Variants in SPAG17 observed in about 807,000 individuals in gnomAD.
SPAG17 encodes sperm associated antigen 17, also known as sperm-associated antigen 17.
A neutral mutation model predicts 273.6 loss-of-function variants in SPAG17; 169 were observed. That is an observed-to-expected ratio of 0.62 (90% confidence interval 0.55 to 0.70). The LOEUF (loss-of-function observed/expected upper bound fraction) is 0.70, where lower values mean the gene tolerates loss of function less well. Among genes scored for constraint, SPAG17 ranks in the 30% least tolerant of loss-of-function variants. The pLI, the probability that SPAG17 is intolerant of heterozygous loss-of-function variation, is 0.00. For missense variants in SPAG17, 2,557 were observed against 2,627.8 expected (o/e 0.97, Z 0.59); for synonymous variants, 825 against 873.2 (o/e 0.94, Z 0.97).
rs371012707 is a variant in SPAG17 at position 118,144,804 on chromosome 1, A to G, written c.315+5739T>C. ...CTTCAAAGAATTTCAACAAGTTCCTAAGACATGACCTTCCCTTTCCGAAAA... is the reference window on the plus strand; with the variant it reads ...CTTCAAAGAATTTCAACAAGTTCCTGAGACATGACCTTCCCTTTCCGAAAA... On this transcript the variant is annotated intron_variant, in intron 3 of 48. Transcript: ENST00000336338. Among the ~76,000 whole-genome samples, 14 of 152,342 alleles carry G rather than the reference A, an allele frequency of 9.2e-5. No individual in the cohort carries two copies. In the South Asian group the frequency reaches 1.7e-3, roughly 18 times the overall value.
rs368322210 is a variant in SPAG17 at position 118,073,869 on chromosome 1, C to G, written c.2370G>C (p.Pro790=). The change falls in exon 17 of 49, where the codon CCG becomes CCC. Residue 790 remains proline, a synonymous_variant. Transcript: ENST00000336338. ...MDWSFTEHFK[P]KVLLQVLQEA... Reference sequence around the variant, plus strand: ...CCATAAATACCTGAAGCAGTACTTTCGGTTTAAAATGTTCAGTAAAACTCC... The same window carrying G: ...CCATAAATACCTGAAGCAGTACTTTGGGTTTAAAATGTTCAGTAAAACTCC... 2 of 1,583,714 alleles carry G rather than the reference C, an allele frequency of 1.3e-6. No individual in the cohort carries two copies. Among genetic ancestry groups the G allele is most frequent in the African/African-American group, 2.8e-5 (2 of 72,566 alleles).
At chr1:118,036,734 G>A (rs1431993504) in intron 24 of SPAG17, 36 bp downstream of exon 24, 1 of 1,417,612 alleles carries the variant, frequency 7.1e-7, no homozygotes, top group Non-Finnish European at 9.7e-7. Context: ...CCTTGGCTGT[G>A]GGGCACACTT....
At chr1:118,039,104 A>AC (rs1435526569) in intron 23 of SPAG17, among the ~76,000 whole-genome samples, 188 bp downstream of exon 23, 1 of 152,192 alleles carries the variant, frequency 6.6e-6, no homozygotes, top group Non-Finnish European at 1.5e-5. Context: ...GTAAAGAAAA[A>AC]AGATAACGCT....
chr1:118,160,948 T>C (rs1570803318), intron 1 of SPAG17, among the ~76,000 whole-genome samples: 1 of 152,156 alleles, frequency 6.6e-6, no homozygotes, highest in African/African-American at 2.4e-5. Context: ...TCCCTAGGGG[T>C]GTGTCAGAAA....
At chr1:118,001,226 T>C (rs1424032035) in intron 32 of SPAG17, among the ~76,000 whole-genome samples, 1 of 152,224 alleles carries the variant, frequency 6.6e-6, no homozygotes, top group Non-Finnish European at 1.5e-5. Context: ...AGTTTGCCAG[T>C]ATTTTATTGA....
intron 10 of SPAG17, among the ~76,000 whole-genome samples, chr1:118,089,329 T>C (rs1339638819): frequency 4.3e-5 from 2 of 46,702 alleles, no homozygotes; most frequent in African/African-American, 2.2e-4. Context: ...CCTATGTAGA[T>C]GACGTGTGTG....
At chr1:118,084,605 T>C (rs954671635) in intron 13 of SPAG17, among the ~76,000 whole-genome samples, 54 of 152,352 alleles carry the variant, frequency 3.5e-4, no homozygotes, top group African/African-American at 1.2e-3. Context: ...CTTCCTGCTG[T>C]GAGAAGCTGT....
At chr1:118,117,598 G>A (rs546411627) in intron 3 of SPAG17, among the ~76,000 whole-genome samples, 4 of 152,196 alleles carry the variant, frequency 2.6e-5, no homozygotes, top group Non-Finnish European at 5.9e-5. Context: ...TCACCAGTTT[G>A]CCAGGCACAC....
rs370473712 is a variant in SPAG17 at position 117,996,477 on chromosome 1, C to A, written c.4946G>T (p.Gly1649Val). 2 of 1,612,660 alleles carry A rather than the reference C, an allele frequency of 1.2e-6. No homozygotes were observed. Among genetic ancestry groups the A allele is most frequent in the African/African-American group, 2.7e-5 (2 of 74,790 alleles). ...VPRFFVMYAD[G>V]SGMELLRDSD... ...GTCTCGAAGAAGTTCCATTCCTGAT[C>A]CATCAGCATACATAACAAAAAACCT... The change falls in exon 34 of 49, where the codon GGA becomes GTA. Residue 1649 changes from glycine (G) to valine (V), a missense_variant. Transcript: ENST00000336338.
At chr1:117,991,654 T>A in intron 36 of SPAG17, 126 bp from the exon 37 acceptor site, 1 of 541,544 alleles carries the variant, frequency 1.8e-6, no homozygotes, top group Non-Finnish European at 3.2e-6. Flanking sequence ...GCTCAACAAC[T>A]GTTTACTAGT....
chr1:118,146,331 T>C (rs1436724683), intron 3 of SPAG17, among the ~76,000 whole-genome samples: 2 of 152,222 alleles, frequency 1.3e-5, no homozygotes, highest in Non-Finnish European at 2.9e-5. Context: ...GGACTGACTA[T>C]ACCTGTAAAT....
At chr1:117,955,510 C>A in intron 48 of SPAG17, 1 of 717,686 alleles carries the variant, frequency 1.4e-6, no homozygotes, top group Non-Finnish European at 2.1e-6. Context: ...TTATAATGTT[C>A]TTTTTGAAGT....
intron 46 of SPAG17, among the ~76,000 whole-genome samples, chr1:117,967,442 A>G (rs946118537): frequency 6.6e-6 from 1 of 152,184 alleles, no homozygotes; most frequent in Non-Finnish European, 1.5e-5. Context: ...CACACACAAA[A>G]TATACTAACA....
chr1:118,104,092 T>C (rs1436530988), intron 4 of SPAG17, among the ~76,000 whole-genome samples: 1 of 152,158 alleles, frequency 6.6e-6, no homozygotes, highest in Non-Finnish European at 1.5e-5. Context: ...AGGAGCTCTA[T>C]GATTTTGCAA....
At chr1:118,037,628 C>A (rs991686804) in intron 23 of SPAG17, among the ~76,000 whole-genome samples, 1 of 152,102 alleles carries the variant, frequency 6.6e-6, no homozygotes, top group South Asian at 2.1e-4. Flanking sequence ...TGTGTTAGTT[C>A]GCTTAGGATA....
intron 47 of SPAG17, chr1:117,966,003 CA>C (rs1557842286): frequency 1.3e-5 from 2 of 152,116 alleles, no homozygotes; most frequent in Non-Finnish European, 2.9e-5. Context: ...GCTCAAAAAT[CA>C]AATAAATAGA....
intron 32 of SPAG17, 56 bp from the exon 33 acceptor site, chr1:117,996,799 T>A (rs1657711866): frequency 1.3e-6 from 2 of 1,488,666 alleles, no homozygotes; most frequent in Admixed American, 4.6e-5. Flanking sequence ...ATGCTTAAAC[T>A]TCTGCTGATT....
intron 10 of SPAG17, among the ~76,000 whole-genome samples, chr1:118,089,127 G>T (rs866553101): frequency 1.3e-5 from 2 of 152,082 alleles, no homozygotes; most frequent in African/African-American, 4.8e-5. Context: ...ATAAAACAAG[G>T]TGATGTGGTA....
At chr1:117,967,560 G>C (rs1294413221) in intron 46 of SPAG17, among the ~76,000 whole-genome samples, 1 of 152,310 alleles carries the variant, frequency 6.6e-6, no homozygotes, top group East Asian at 1.9e-4. Context: ...CCTGGGCCAT[G>C]GGTTGGACAA....
Sources: gnomAD v4.1 joint callset for allele counts (sites outside exome capture counted in the v4.1 genomes callset) on GRCh38, gnomAD v4.1.1 for gene constraint, MANE v1.5 for transcripts, NCBI Gene and HGNC (gene_info 2026-07-23, HGNC 2026-07-21) for gene names.